Variants in CTNNA3 observed in about 807,000 individuals in gnomAD.
The protein encoded by CTNNA3 is catenin alpha 3, also known as catenin alpha-3.
In CTNNA3, 76 loss-of-function variants were observed where a neutral mutation model predicts 95.7. That is an observed-to-expected ratio of 0.79 (90% CI 0.66 to 0.96). The LOEUF is 0.96. CTNNA3 is among the 40% of genes least tolerant of loss of function. CTNNA3 has a pLI of 0.00. For synonymous variants in CTNNA3, 431 were observed against 374.4 expected (o/e 1.15, Z -1.74); for missense variants, 1,191 against 1,089.8 (o/e 1.09, Z -1.31).
At chr10:66,098,200 A>G (rs2081476951) in intron 14 of CTNNA3, 1 of 152,202 alleles carries the variant, frequency 6.6e-6, no homozygotes, top group African/African-American at 2.4e-5. Flanking sequence ...TCTTTCTAGT[A>G]CAGCAATTTA....
At chr10:67,682,035 G>A (rs184071962) in intron 1 of CTNNA3, among the ~76,000 whole-genome samples, 72 of 151,528 alleles carry the variant, frequency 4.8e-4, no homozygotes, top group African/African-American at 1.6e-3. Flanking sequence ...GTGGGCACCC[G>A]TAATCGCAGC....
intron 13 of CTNNA3, among the ~76,000 whole-genome samples, chr10:66,182,736 T>C (rs1453593655): frequency 7.7e-6 from 1 of 129,588 alleles, no homozygotes; most frequent in Non-Finnish European, 1.6e-5. Flanking sequence ...AGATGATTTT[T>C]TTTTAAAAGA....
At chr10:66,853,254 T>C (rs1456669768) in intron 7 of CTNNA3, among the ~76,000 whole-genome samples, 1 of 152,084 alleles carries the variant, frequency 6.6e-6, no homozygotes, top group Non-Finnish European at 1.5e-5. Flanking sequence ...AGAGAGTATA[T>C]GGCTCACAAA....
chr10:66,359,033 G>T (rs2092633493), intron 12 of CTNNA3, among the ~76,000 whole-genome samples: 1 of 152,122 alleles, frequency 6.6e-6, no homozygotes, highest in African/African-American at 2.4e-5. Flanking sequence ...TTTGAATCAT[G>T]CTCTCCTTCT....
chr10:66,060,008 T>A (rs1357732504), intron 15 of CTNNA3, among the ~76,000 whole-genome samples: 1 of 152,102 alleles, frequency 6.6e-6, no homozygotes, highest in Non-Finnish European at 1.5e-5. Flanking sequence ...TGGTTTGTAT[T>A]ATTTATTCAA....
At chr10:67,481,503 A>T (rs1848227288) in intron 5 of CTNNA3, among the ~76,000 whole-genome samples, 1 of 152,188 alleles carries the variant, frequency 6.6e-6, no homozygotes, top group Non-Finnish European at 1.5e-5. Context: ...CTGAGAGTCA[A>T]ATCAAGAATG....
At chr10:67,397,593 G>T (rs1225214097) in intron 5 of CTNNA3, among the ~76,000 whole-genome samples, 2 of 152,244 alleles carry the variant, frequency 1.3e-5, no homozygotes, top group Non-Finnish European at 2.9e-5. Flanking sequence ...ATTCAAGCCT[G>T]CTGCAGAAAC....
chr10:66,176,562 C>T (rs531794875), intron 13 of CTNNA3, among the ~76,000 whole-genome samples: 1 of 151,798 alleles, frequency 6.6e-6, no homozygotes, highest in Non-Finnish European at 1.5e-5. Flanking sequence ...TATTTGTGTC[C>T]CCCTAAAATT....
chr10:67,377,366 T>C (rs896663289), intron 5 of CTNNA3, among the ~76,000 whole-genome samples: 2 of 152,094 alleles, frequency 1.3e-5, no homozygotes, highest in African/African-American at 4.8e-5. Flanking sequence ...AAGTTAAGAG[T>C]AGGGACTAGT....
chr10:65,921,973 CAT>C (rs1243120588), intron 17 of CTNNA3, among the ~76,000 whole-genome samples: 1 of 152,102 alleles, frequency 6.6e-6, no homozygotes, highest in Non-Finnish European at 1.5e-5. Context: ...TAAAGTAACT[CAT>C]AGCAACCCTA....
At chr10:66,073,735 G>T (rs1022909088) in intron 14 of CTNNA3, among the ~76,000 whole-genome samples, 5 of 151,842 alleles carry the variant, frequency 3.3e-5, no homozygotes, top group African/African-American at 1.2e-4. Context: ...CTTTGCTACT[G>T]CTTGATTCAA....
intron 8 of CTNNA3, among the ~76,000 whole-genome samples, chr10:66,774,260 C>T (rs1263538166): frequency 2.6e-5 from 4 of 152,040 alleles, no homozygotes; most frequent in East Asian, 3.9e-4. Context: ...ATCCTGAAGA[C>T]GATGGAGAAT....
intron 1 of CTNNA3, among the ~76,000 whole-genome samples, chr10:67,702,484 G>A (rs536691568): frequency 3.2e-4 from 48 of 152,204 alleles, no homozygotes; most frequent in African/African-American, 8.9e-4. Context: ...ATTCAAAACC[G>A]CTCAACTACA....
At chr10:66,310,886 T>C (rs774062825) in intron 12 of CTNNA3, among the ~76,000 whole-genome samples, 8 of 152,074 alleles carry the variant, frequency 5.3e-5, no homozygotes, top group Admixed American at 1.3e-4. Context: ...GGTTTCACCA[T>C]GTTAGCCAGC....
intron 3 of CTNNA3, among the ~76,000 whole-genome samples, chr10:67,571,628 C>T (rs1222551126): frequency 6.6e-6 from 1 of 152,082 alleles, no homozygotes; most frequent in African/African-American, 2.4e-5. Flanking sequence ...AGGCTGGGTG[C>T]CCAAGTAGCA....
At chr10:66,426,354 G>A (rs920841042) in intron 11 of CTNNA3, among the ~76,000 whole-genome samples, 1 of 152,024 alleles carries the variant, frequency 6.6e-6, no homozygotes, top group Non-Finnish European at 1.5e-5. Flanking sequence ...TTTATTTAAA[G>A]GTAGAAGTGA....
intron 7 of CTNNA3, among the ~76,000 whole-genome samples, chr10:67,055,347 C>T (rs1158358914): frequency 2.6e-5 from 4 of 152,096 alleles, no homozygotes; most frequent in African/African-American, 9.7e-5. Flanking sequence ...TTTTATGAGG[C>T]TAGAGTAAAA....
intron 12 of CTNNA3, among the ~76,000 whole-genome samples, chr10:66,347,929 T>C (rs1397261911): frequency 6.6e-6 from 1 of 152,122 alleles, no homozygotes; most frequent in Admixed American, 6.5e-5. Flanking sequence ...AGCTAGGAAC[T>C]TTCTGAAACT....
chr10:67,130,070 C>A (rs527611079), intron 7 of CTNNA3, among the ~76,000 whole-genome samples: 39 of 151,992 alleles, frequency 2.6e-4, no homozygotes, highest in Non-Finnish European at 5.4e-4. Flanking sequence ...TTGAAATCTA[C>A]CCCCCTTCCA....
Sources: allele counts gnomAD v4.1 joint callset (sites outside exome capture counted in the v4.1 genomes callset), GRCh38; gene constraint gnomAD v4.1.1; transcripts MANE v1.5; gene names NCBI Gene and HGNC (gene_info 2026-07-23, HGNC 2026-07-21).